LIMA1: variants seen among roughly 807,000 people sequenced by gnomAD.
LIMA1 encodes the protein LIM domain and actin binding 1, also known as LIM domain and actin-binding protein 1.
LIMA1 carries 52 observed loss-of-function variants against 62.6 expected under a neutral mutation model. The observed-to-expected ratio is 0.83, with a 90% confidence interval of 0.67 to 1.05. The LOEUF is 1.05. Among genes scored for constraint, LIMA1 ranks in the 50% least tolerant of loss-of-function variants. The probability of loss-of-function intolerance (pLI) is 0.00; values close to 1 mark genes in which losing one functional copy is unlikely to be tolerated. For missense variants in LIMA1, 780 were observed against 902.2 expected (o/e 0.86, Z 1.74); for synonymous variants, 302 against 317.8 (o/e 0.95, Z 0.53).
chr12:50,231,799 C>A (rs191527433), intron 2 of LIMA1, 89 bp from the exon 3 acceptor site: 4 of 1,253,106 alleles, frequency 3.2e-6, no homozygotes, highest in Non-Finnish European at 4.6e-6. Flanking sequence ...TGAAGTCTCA[C>A]GCTTATTGCC....
intron 1 of LIMA1, among the ~76,000 whole-genome samples, chr12:50,252,159 T>A (rs1379296871): frequency 1.3e-5 from 2 of 152,040 alleles, no homozygotes; most frequent in Admixed American, 1.3e-4. Context: ...GGAAAAGATA[T>A]CAGATGACTT....
chr12:50,274,374 G>A (rs947614426), intron 1 of LIMA1, among the ~76,000 whole-genome samples: 3 of 152,106 alleles, frequency 2.0e-5, no homozygotes, highest in African/African-American at 4.8e-5. Context: ...TAATGAGGTC[G>A]AGAGATGCAG....
At chr12:50,279,154 C>T (rs184468363) in intron 1 of LIMA1, among the ~76,000 whole-genome samples, 15 of 151,112 alleles carry the variant, frequency 9.9e-5, no homozygotes, top group Non-Finnish European at 8.9e-5. Flanking sequence ...TACAGGCATG[C>T]GCCACCATGC....
intron 8 of LIMA1, among the ~76,000 whole-genome samples, chr12:50,193,608 G>GTGTA (rs150796091): frequency 8.6e-4 from 102 of 118,824 alleles, no homozygotes; most frequent in African/African-American, 2.4e-3. Context: ...ATATATACAT[G>GTGTA]TATATATATA....
At chr12:50,179,622 A>G (rs1443705757) in intron 10 of LIMA1, among the ~76,000 whole-genome samples, 1 of 150,082 alleles carries the variant, frequency 6.7e-6, no homozygotes, top group Non-Finnish European at 1.5e-5. Context: ...TATTTTTAGT[A>G]GAGACGGGGT....
intron 1 of LIMA1, chr12:50,249,586 A>G (rs906098354): frequency 6.6e-6 from 1 of 152,202 alleles, no homozygotes; most frequent in African/African-American, 2.4e-5. Flanking sequence ...CAAAGAATAC[A>G]TAAAGCCATA....
At chr12:50,254,021 CTG>C (rs1195567943) in intron 1 of LIMA1, among the ~76,000 whole-genome samples, 1 of 103,382 alleles carries the variant, frequency 9.7e-6, no homozygotes, top group Non-Finnish European at 1.8e-5. Flanking sequence ...GAGCGAGACT[CTG>C]TCTCAAAAAA....
chr12:50,189,578 G>A (rs1433412342), intron 9 of LIMA1: 1 of 152,188 alleles, frequency 6.6e-6, no homozygotes, highest in African/African-American at 2.4e-5. Flanking sequence ...TCATTAGCAA[G>A]CTAGTCAATT....
At chr12:50,193,664 A>ATTTT (rs1565833501) in intron 8 of LIMA1, among the ~76,000 whole-genome samples, 3 of 61,764 alleles carry the variant, frequency 4.9e-5, no homozygotes, top group African/African-American at 8.0e-5. Flanking sequence ...ATATATATAT[A>ATTTT]TATTTTTTTT....
intron 4 of LIMA1, among the ~76,000 whole-genome samples, chr12:50,210,694 C>G (rs1049854560): frequency 2.0e-5 from 3 of 152,128 alleles, no homozygotes; most frequent in African/African-American, 7.2e-5. Context: ...TGGTTTTAAA[C>G]GCATAAAATT....
At chr12:50,227,227 TTTTTC>T (rs1279046969) in intron 3 of LIMA1, among the ~76,000 whole-genome samples, 10 of 137,652 alleles carry the variant, frequency 7.3e-5, no homozygotes, top group Middle Eastern at 3.7e-3. Context: ...TTCACTTTCT[TTTTTC>T]TTTTCTTTTT....
At chr12:50,249,091 T>C (rs1941892058) in intron 1 of LIMA1, among the ~76,000 whole-genome samples, 1 of 152,218 alleles carries the variant, frequency 6.6e-6, no homozygotes, top group Non-Finnish European at 1.5e-5. Flanking sequence ...TTCCCTCTTC[T>C]GAATTACATC....
intron 1 of LIMA1, among the ~76,000 whole-genome samples, chr12:50,265,993 C>T (rs1340474959): frequency 6.6e-6 from 1 of 152,110 alleles, no homozygotes; most frequent in Admixed American, 6.6e-5. Flanking sequence ...GCTGCCACTT[C>T]CTTCACTGTC....
intron 2 of LIMA1, among the ~76,000 whole-genome samples, chr12:50,245,592 T>G (rs1025183951): frequency 6.6e-6 from 1 of 151,702 alleles, no homozygotes; most frequent in Admixed American, 6.6e-5. Context: ...CCTATCACTT[T>G]TTTTTTTCTT....
intron 1 of LIMA1, among the ~76,000 whole-genome samples, chr12:50,278,976 G>GT (rs1200323665): frequency 2.0e-5 from 3 of 150,110 alleles, no homozygotes; most frequent in Non-Finnish European, 3.0e-5. Context: ...TTTATAATTT[G>GT]TTTTTTCCAC....
At chr12:50,240,895 A>G (rs1941768404) in intron 2 of LIMA1, among the ~76,000 whole-genome samples, 1 of 152,198 alleles carries the variant, frequency 6.6e-6, no homozygotes, top group Non-Finnish European at 1.5e-5. Context: ...ACAAATGATA[A>G]GAGAGACTGA....
intron 9 of LIMA1, among the ~76,000 whole-genome samples, chr12:50,184,275 A>G (rs17124512): frequency 0.016 from 2,404 of 152,302 alleles, 63 homozygotes; most frequent in African/African-American, 0.056. Flanking sequence ...TCTTATATGG[A>G]CACTGCTAAA....
intron 7 of LIMA1, among the ~76,000 whole-genome samples, chr12:50,198,209 T>A (rs1030672762): frequency 6.6e-6 from 1 of 152,194 alleles, no homozygotes; most frequent in African/African-American, 2.4e-5. Flanking sequence ...CTGTTAGTAT[T>A]CTGACAATAT....
intron 2 of LIMA1, among the ~76,000 whole-genome samples, chr12:50,242,063 G>A (rs779178255): frequency 1.1e-4 from 16 of 144,716 alleles, no homozygotes; most frequent in Admixed American, 8.8e-4. Context: ...GATGGAGGAC[G>A]CTAAAATTAT....
Sources: allele counts gnomAD v4.1 joint callset (sites outside exome capture counted in the v4.1 genomes callset), GRCh38; gene constraint gnomAD v4.1.1; transcripts MANE v1.5; gene names NCBI Gene and HGNC (gene_info 2026-07-23, HGNC 2026-07-21).